Variants in TRANK1 observed in about 807,000 individuals in gnomAD.
TRANK1 encodes TPR and ankyrin repeat-containing protein 1.
In TRANK1, 198 loss-of-function variants were observed where a neutral mutation model predicts 266.0. That is an observed-to-expected ratio of 0.74 (90% CI 0.66 to 0.84). The LOEUF (loss-of-function observed/expected upper bound fraction) is 0.84. TRANK1 is among the 40% of genes least tolerant of loss of function. The pLI is 0.00. For synonymous variants in TRANK1, 1,396 were observed against 1,384.1 expected (o/e 1.01, Z -0.19); for missense variants, 3,326 against 3,634.6 (o/e 0.92, Z 2.18).
chr3:36,892,847 C>T (rs1483928025), intron 6 of TRANK1, 54 bp downstream of exon 6: 2 of 739,826 alleles, frequency 2.7e-6, no homozygotes, highest in South Asian at 5.2e-5. Context: ...CAAAACAAAA[C>T]AAAACATATA....
intron 15 of TRANK1, chr3:36,851,443 A>G: frequency 8.6e-7 from 1 of 1,165,162 alleles, no homozygotes; most frequent in Non-Finnish European, 1.1e-6. Flanking sequence ...AACAGTGGCT[A>G]ATGAGAACTG....
intron 7 of TRANK1, 121 bp from the exon 8 acceptor site, chr3:36,890,081 G>T: frequency 7.5e-7 from 1 of 1,339,030 alleles, no homozygotes; most frequent in Non-Finnish European, 1.0e-6. Context: ...AGTCAGTGTG[G>T]ACCACGCTAA....
At chr3:36,879,759 TAA>T (rs1315900761) in intron 8 of TRANK1, among the ~76,000 whole-genome samples, 1 of 101,518 alleles carries the variant, frequency 9.9e-6, no homozygotes, top group Non-Finnish European at 1.8e-5. Context: ...TAAATATATA[TAA>T]ATATATATAA....
chr3:36,923,709 G>A (rs867150263), intron 1 of TRANK1, among the ~76,000 whole-genome samples: 4 of 152,076 alleles, frequency 2.6e-5, no homozygotes, highest in Non-Finnish European at 4.4e-5. Context: ...AGCACCCTCC[G>A]AGAATAGCCT....
In TRANK1 at chr3:36,908,361, A is replaced by G. The variant is rs1338309993; in HGVS notation, c.117T>C (p.Asp39=). 3.2e-6 allele frequency: 4 copies of G among 1,232,252 alleles called. No homozygotes were observed. In the South Asian group the frequency reaches 1.2e-4, roughly 38 times the overall value. The allele number at this position is 1,232,252 out of a possible 1,614,324, so 76.3% of individuals were successfully genotyped here. Residue 39 remains aspartate (D), a synonymous_variant, in exon 2 of 24, where the codon GAT becomes GAC. Transcript: ENST00000645898. ...ACTGCAGGAGAATCTGGATGGCTTCATCGTACTTTCTGATGGCCAAAGAGA... is the reference window on the plus strand; with the variant it reads ...ACTGCAGGAGAATCTGGATGGCTTCGTCGTACTTTCTGATGGCCAAAGAGA... ...GNFSLAIRKY[D]EAIQILLQLY... is the part of the protein sequence containing the mutation.
intron 7 of TRANK1, among the ~76,000 whole-genome samples, chr3:36,891,442 G>A (rs1231756911): frequency 6.6e-6 from 1 of 151,964 alleles, no homozygotes; most frequent in Non-Finnish European, 1.5e-5. Flanking sequence ...TCAAGCCCAT[G>A]GCCACCTCCC....
At chr3:36,941,299 T>C (rs2080493010) in intron 1 of TRANK1, among the ~76,000 whole-genome samples, 1 of 152,128 alleles carries the variant, frequency 6.6e-6, no homozygotes, top group Non-Finnish European at 1.5e-5. Context: ...CAAAGACAGA[T>C]ATAGCTAAAC....
Position 36,903,184 on chromosome 3 carries a change from T to C in TRANK1, c.247A>G (p.Lys83Glu). The change falls in exon 3 of 24, where the codon AAG becomes GAG. Residue 83 changes from lysine (K) to glutamate (E), a missense_variant. Coordinates refer to ENST00000645898, the MANE Select transcript of TRANK1 (RefSeq NM_001329998.2). Reference protein sequence around the residue: ...GKWNEAFVAAKECLQWDPTYV... With the variant: ...GKWNEAFVAAEECLQWDPTYV... The stretch of plus-strand genomic sequence containing the variant: ...GTTGGATCCCATTGGAGACATTCCT[T>C]GGCAGCAACAAATGCCTCATTCCAC... 1 of 1,537,322 alleles carries C rather than the reference T, an allele frequency of 6.5e-7. No individual in the cohort carries two copies. The highest frequency in any genetic ancestry group is 8.7e-7 in the Non-Finnish European group (1 of 1,146,934).
chr3:36,900,740 G>A (rs1259927424), intron 3 of TRANK1, among the ~76,000 whole-genome samples: 1 of 151,008 alleles, frequency 6.6e-6, no homozygotes, highest in East Asian at 1.9e-4. Flanking sequence ...TCATTAGCTG[G>A]GCATGGTGGT....
At chr3:36,903,951 T>A (rs1430652117) in intron 2 of TRANK1, among the ~76,000 whole-genome samples, 5 of 151,938 alleles carry the variant, frequency 3.3e-5, no homozygotes, top group Non-Finnish European at 7.4e-5. Flanking sequence ...GCAAGCCTTA[T>A]GACTTCTTTT....
chr3:36,904,783 C>T (rs1043100938), intron 2 of TRANK1, among the ~76,000 whole-genome samples: 2 of 152,038 alleles, frequency 1.3e-5, no homozygotes, highest in Non-Finnish European at 2.9e-5. Flanking sequence ...GAGCAGTGAC[C>T]GCAAGTGTAA....
In TRANK1 at chr3:36,832,523, C is replaced by A. The variant is rs751044219; in HGVS notation, c.7060G>T (p.Glu2354Ter). The A allele has an allele frequency of 2.0e-5, 33 of 1,613,836 alleles. No homozygotes were observed. The stretch of plus-strand genomic sequence containing the variant: ...AGTTCCCTGTTGTAGTTGTCCTCCT[C>A]CTGGTGGAGCAGCTTTTCAAACTCC... ...PEEFEKLLHQ[E>*]EDNYNRELKA... Residue 2354 changes from glutamate to a stop codon, truncating the protein, a stop_gained, in exon 22 of 24, where the codon GAG becomes TAG. Transcript: ENST00000645898. LOFTEE classifies it high-confidence loss of function.
intron 9 of TRANK1, among the ~76,000 whole-genome samples, chr3:36,870,695 C>T (rs1023085463): frequency 6.6e-6 from 1 of 152,156 alleles, no homozygotes; most frequent in Non-Finnish European, 1.5e-5. Context: ...ACTACCATCA[C>T]AGGCTACCTG....
intron 10 of TRANK1, 145 bp from the exon 11 acceptor site, chr3:36,861,305 C>G: frequency 2.0e-6 from 2 of 996,732 alleles, no homozygotes; most frequent in Non-Finnish European, 2.9e-6. Context: ...CTTAACCACT[C>G]ATGAACATCA....
intron 8 of TRANK1, among the ~76,000 whole-genome samples, chr3:36,874,733 C>T (rs1205733482): frequency 1.3e-5 from 2 of 152,126 alleles, no homozygotes; most frequent in African/African-American, 4.8e-5. Flanking sequence ...GCATCAGGGG[C>T]TGTTTTGTTG....
intron 1 of TRANK1, among the ~76,000 whole-genome samples, chr3:36,937,319 A>G (rs921416139): frequency 6.6e-6 from 1 of 152,192 alleles, no homozygotes; most frequent in African/African-American, 2.4e-5. Flanking sequence ...GATAACAAGT[A>G]AAGTGTATTC....
chr3:36,842,502 C>G, intron 18 of TRANK1, 120 bp downstream of exon 18: 1 of 831,204 alleles, frequency 1.2e-6, no homozygotes, highest in Non-Finnish European at 2.0e-6. Context: ...TTTCAGAACA[C>G]GTGGCACAAG....
Position 36,857,024 on chromosome 3 carries a change from G to A in TRANK1, c.2698C>T (p.Leu900Phe), listed in dbSNP as rs753205855. The A allele has an allele frequency of 6.2e-7, 1 of 1,613,868 alleles. No individual in the cohort carries two copies. The highest frequency in any genetic ancestry group is 1.3e-5 in the African/African-American group (1 of 74,930). Residue 900 changes from leucine (L) to phenylalanine (F), a missense_variant, in exon 13 of 24, where the codon CTC (leucine) becomes TTC (phenylalanine). By Grantham distance (22) the Leu-to-Phe change is conservative. Transcript: ENST00000645898. The surrounding 1 kb of genome is among the most constrained non-coding windows in gnomAD (Gnocchi z 4.3). ...EAKLDKGARM[L>F]WELAIDFSPR... ...GAGAAGTCAATGGCGAGCTCCCAGA[G>A]CATCCGGGCTCCTTTGTCCAGCTTA...
Position 36,874,303 on chromosome 3 carries a change from C to A in TRANK1, c.908-7G>T. ...TGCACATCCTCTGTTTGTCCTAGGG[C>A]AGGCCAAAATGAGAAGGGGTGTTTG... On this transcript the variant is annotated splice_polypyrimidine_tract_variant and splice_region_variant and intron_variant, in intron 8 of 23. Coordinates refer to ENST00000645898, the MANE Select transcript of TRANK1 (RefSeq NM_001329998.2). The A allele has an allele frequency of 1.3e-6, 2 of 1,535,356 alleles. No individual in the cohort carries two copies. The highest frequency in any genetic ancestry group is 1.7e-6 in the Non-Finnish European group (2 of 1,146,218).
Sources: gnomAD v4.1 joint callset for allele counts (sites outside exome capture counted in the v4.1 genomes callset) on GRCh38, gnomAD v4.1.1 for gene constraint, Gnocchi (gnomAD v3.1) non-coding constraint, MANE v1.5 for transcripts, NCBI Gene and HGNC (gene_info 2026-07-23, HGNC 2026-07-21) for gene names.